RIMBP2: variants seen among roughly 807,000 people sequenced by gnomAD.
The protein encoded by RIMBP2 is RIMS-binding protein 2.
RIMBP2 carries 48 observed loss-of-function variants against 118.6 expected under a neutral mutation model. The ratio of observed to expected loss-of-function variants is 0.40; its 90% CI spans 0.32 to 0.51. The LOEUF (loss-of-function observed/expected upper bound fraction) is 0.51. RIMBP2 is among the 20% of genes least tolerant of loss of function. The probability of loss-of-function intolerance (pLI) is 0.41; values close to 1 mark genes in which losing one functional copy is unlikely to be tolerated. For missense variants in RIMBP2, 1,551 were observed against 1,768.3 expected (o/e 0.88, Z 2.20); for synonymous variants, 762 against 742.9 (o/e 1.03, Z -0.42).
intron 2 of RIMBP2, among the ~76,000 whole-genome samples, chr12:130,557,479 TG>T (rs1203110917): frequency 1.3e-5 from 2 of 152,160 alleles, no homozygotes. Flanking sequence ...TGGGGTGAGC[TG>T]GGATGTGGAA....
In RIMBP2 at chr12:130,422,323, T is replaced by A; in HGVS notation, c.3238+130A>T. ...ATCTTGTGCTGTTCCTGCCTTCTTT[T>A]TGCCATGAATAACAGTGTTCTTTGC... On this transcript the variant is annotated intron_variant, in intron 17 of 22. Coordinates refer to ENST00000690449, the MANE Select transcript of RIMBP2 (RefSeq NM_001393629.1). This position sits in a 1 kb window ranked among gnomAD's most constrained non-coding sequence, Gnocchi z 5.2. The A allele has an allele frequency of 1.7e-6, 1 of 572,974 alleles. No individual in the cohort carries two copies. The highest frequency in any genetic ancestry group is 3.2e-6 in the Non-Finnish European group (1 of 317,296). 35.5% of individuals were successfully genotyped at this position (572,974 alleles called of 1,614,324 possible). A position where few individuals can be genotyped will look rare whatever the true frequency, so the allele number is the denominator to read the frequency against.
intron 4 of RIMBP2, among the ~76,000 whole-genome samples, chr12:130,480,417 C>T (rs1593461344): frequency 1.3e-5 from 2 of 152,222 alleles, no homozygotes; most frequent in African/African-American, 2.4e-5. Context: ...GCCTGCCCCC[C>T]ATGTCCCCTG....
At chr12:130,646,540 G>A (rs976757883) in intron 1 of RIMBP2, among the ~76,000 whole-genome samples, 13 of 152,142 alleles carry the variant, frequency 8.5e-5, no homozygotes, top group East Asian at 7.7e-4. Context: ...TTTCCTCCTC[G>A]AGGTCCTGTT....
chr12:130,547,091 A>C (rs2055254381), intron 2 of RIMBP2, among the ~76,000 whole-genome samples: 1 of 152,220 alleles, frequency 6.6e-6, no homozygotes, highest in Non-Finnish European at 1.5e-5. Flanking sequence ...GTGAAAATAA[A>C]ATGCAGACTG....
chr12:130,399,744 C>T lies in RIMBP2; in HGVS notation c.3835G>A (p.Val1279Ile), dbSNP rs775601966. ...TGGGATGGAGCATCAGAAAGATAGA[C>T]TTCTACGTCATCAGGCACTTCTTCC... ...FLEEVPDDVE[V>I]YLSDAPSHYS... Residue 1279 changes from valine (V) to isoleucine (I), a missense_variant, in exon 22 of 23, where the codon GTC becomes ATC. This residue lies in a region of RIMBP2 where 1,038 missense variants were observed against 1,125.1 expected (regional missense o/e 0.92). Transcript: ENST00000690449. The T allele has an allele frequency of 5.6e-6, 9 of 1,614,076 alleles. No homozygotes were observed. The highest frequency in any genetic ancestry group is 6.8e-6 in the Non-Finnish European group (8 of 1,180,032).
In RIMBP2 at chr12:130,469,928, T is replaced by C. The variant is rs938948414; in HGVS notation, c.153+765A>G. Among the ~76,000 whole-genome samples the C allele has an allele frequency of 1.3e-5, 2 of 152,152 alleles. No homozygotes were observed. The highest frequency in any genetic ancestry group is 4.8e-5 in the African/African-American group (2 of 41,434). ...CCCCAGCTCACTGTAGCCCAGCCAC[T>C]GTGCATGATGGATGCAGACAGCAGA... is the stretch of plus-strand genomic sequence containing the variant. On this transcript the variant is annotated intron_variant, in intron 6 of 22. Transcript: ENST00000690449. This position sits in a 1 kb window ranked among gnomAD's most constrained non-coding sequence, Gnocchi z 4.8.
In RIMBP2 at chr12:130,688,785, G is replaced by C. The variant is rs569379824; in HGVS notation, c.-352+27437C>G. 2.6e-5 allele frequency among the ~76,000 whole-genome samples: 4 copies of C among 152,330 alleles called. No homozygotes were observed. The highest frequency in any genetic ancestry group is 9.6e-5 in the African/African-American group (4 of 41,576). On this transcript the variant is annotated intron_variant, in intron 1 of 22. Transcript: ENST00000690449. The surrounding 1 kb of genome is among the most constrained non-coding windows in gnomAD (Gnocchi z 4.7). ...ACACAGAACCACCTCCACCACCACT[G>C]TCTCCTCCGGCCCCCAATTCCAACT...
intron 1 of RIMBP2, among the ~76,000 whole-genome samples, chr12:130,674,595 T>C (rs1244846348): frequency 6.6e-6 from 1 of 152,166 alleles, no homozygotes; most frequent in African/African-American, 2.4e-5. Context: ...ACCCCTCACG[T>C]GGGTTATTTT....
At chr12:130,599,882 G>A (rs938221978) in intron 2 of RIMBP2, among the ~76,000 whole-genome samples, 7 of 152,114 alleles carry the variant, frequency 4.6e-5, no homozygotes, top group Admixed American at 2.0e-4. Flanking sequence ...AGTCAAGCTG[G>A]GCACTGCTGA....
intron 9 of RIMBP2, among the ~76,000 whole-genome samples, chr12:130,449,245 G>A (rs780069781): frequency 6.6e-6 from 1 of 152,274 alleles, no homozygotes; most frequent in African/African-American, 2.4e-5. Flanking sequence ...GCCCCTGGCT[G>A]ATGAATTCCC....
chr12:130,501,485 G>A (rs538668442), intron 4 of RIMBP2, among the ~76,000 whole-genome samples: 1 of 152,328 alleles, frequency 6.6e-6, no homozygotes, highest in Non-Finnish European at 1.5e-5. Context: ...GTCCCAGGTA[G>A]AAGCACCTTC....
intron 4 of RIMBP2, among the ~76,000 whole-genome samples, chr12:130,485,143 G>T (rs1255034169): frequency 6.6e-6 from 1 of 152,236 alleles, no homozygotes; most frequent in Admixed American, 6.5e-5. Flanking sequence ...GAGGCAACCA[G>T]GGCTGCACCA....
chr12:130,437,985 C>T (rs993734282), intron 12 of RIMBP2, among the ~76,000 whole-genome samples: 6 of 152,232 alleles, frequency 3.9e-5, no homozygotes, highest in Non-Finnish European at 5.9e-5. Context: ...CACCTGTTCA[C>T]GTGCAGACCC....
intron 2 of RIMBP2, among the ~76,000 whole-genome samples, chr12:130,579,959 G>A (rs2058348327): frequency 6.8e-6 from 1 of 147,656 alleles, no homozygotes; most frequent in African/African-American, 2.5e-5. Flanking sequence ...CGAGGCAGGC[G>A]ATCACCTGAG....
Position 130,417,525 on chromosome 12 carries a change from G to C in RIMBP2, c.3239-3219C>G, listed in dbSNP as rs534397806. Among the ~76,000 whole-genome samples the C allele has an allele frequency of 2.4e-4, 37 of 152,190 alleles. No individual in the cohort carries two copies. The South Asian group carries it at 3.5e-3, about 15-fold the overall frequency. On this transcript the variant is annotated intron_variant, in intron 17 of 22. Transcript: ENST00000690449. Reference sequence around the variant, plus strand: ...CACTTATAAGTGGGAGCTAAACATTGGGTCCACATAGACACGAAGATGGGA... The same window carrying C: ...CACTTATAAGTGGGAGCTAAACATTCGGTCCACATAGACACGAAGATGGGA...
At chr12:130,604,577 C>T (rs529215177) in intron 2 of RIMBP2, among the ~76,000 whole-genome samples, 18 of 68,146 alleles carry the variant, frequency 2.6e-4, no homozygotes, top group East Asian at 1.3e-3. Flanking sequence ...ACAGATGCCC[C>T]TTTTCTTTCT....
At chr12:130,405,346 T>C (rs569890763) in intron 21 of RIMBP2, among the ~76,000 whole-genome samples, 2 of 152,318 alleles carry the variant, frequency 1.3e-5, no homozygotes, top group Middle Eastern at 3.4e-3. Flanking sequence ...TGCCTGCGGC[T>C]GTAGCATGTT....
intron 4 of RIMBP2, among the ~76,000 whole-genome samples, chr12:130,497,713 T>G (rs2049323347): frequency 1.3e-5 from 2 of 152,202 alleles, no homozygotes; most frequent in South Asian, 4.1e-4. Flanking sequence ...GCCCAATGCG[T>G]TTTTTATTTG....
At chr12:130,553,805 T>C (rs2056076009) in intron 2 of RIMBP2, among the ~76,000 whole-genome samples, 1 of 152,168 alleles carries the variant, frequency 6.6e-6, no homozygotes, top group Non-Finnish European at 1.5e-5. Flanking sequence ...CAGGTGGCAG[T>C]TCTGGGACTT....
Sources: allele counts gnomAD v4.1 joint callset (sites outside exome capture counted in the v4.1 genomes callset), GRCh38; gene constraint gnomAD v4.1.1; regional missense constraint gnomAD v4.1.1; non-coding constraint Gnocchi (gnomAD v3.1); transcripts MANE v1.5; gene names NCBI Gene and HGNC (gene_info 2026-07-23, HGNC 2026-07-21).